Variants in MYT1L observed in about 807,000 individuals in gnomAD.
The protein encoded by MYT1L is myelin transcription factor 1 like.
Under a neutral mutation model 126.7 loss-of-function variants are expected in MYT1L, and 12 were observed. The observed-to-expected ratio is 0.09, with a 90% confidence interval of 0.06 to 0.15. MYT1L has a LOEUF of 0.15. Among genes scored for constraint, MYT1L ranks in the 10% least tolerant of loss-of-function variants. The pLI is 1.00. For missense variants in MYT1L, 979 were observed against 1,585.2 expected (o/e 0.62, Z 6.49); for synonymous variants, 541 against 604.2 (o/e 0.90, Z 1.53).
intron 18 of MYT1L, among the ~76,000 whole-genome samples, chr2:1,867,068 G>C (rs11894653): frequency 0.15 from 21,247 of 145,832 alleles, 2,310 homozygotes; most frequent in African/African-American, 0.3. Context: ...GGGGGAGAGA[G>C]GGAGGGAGGA....
intron 1 of MYT1L, among the ~76,000 whole-genome samples, chr2:2,288,108 A>T (rs1409183922): frequency 6.6e-6 from 1 of 152,206 alleles, no homozygotes; most frequent in Admixed American, 6.5e-5. Flanking sequence ...AGATATATTT[A>T]TAATGACCTA....
At chr2:1,792,254 G>C in intron 24 of MYT1L, 67 bp downstream of exon 24, 1 of 1,482,536 alleles carries the variant, frequency 6.7e-7, no homozygotes, top group East Asian at 2.5e-5. Flanking sequence ...CGATAAAAAC[G>C]GCATCTACTT....
At chr2:1,866,973 G>GGAGA (rs556864582) in intron 18 of MYT1L, among the ~76,000 whole-genome samples, 44 of 95,654 alleles carry the variant, frequency 4.6e-4, no homozygotes, top group East Asian at 2.5e-3. Context: ...GAGAGAGGGA[G>GGAGA]GAGAGAGAGA....
chr2:2,226,139 G>A (rs888199203), intron 2 of MYT1L, among the ~76,000 whole-genome samples: 1 of 152,076 alleles, frequency 6.6e-6, no homozygotes, highest in Non-Finnish European at 1.5e-5. Flanking sequence ...GAGCCAGAAA[G>A]CAAAGGCCAG....
intron 2 of MYT1L, among the ~76,000 whole-genome samples, chr2:2,213,423 G>T (rs531578870): frequency 1.3e-5 from 2 of 152,022 alleles, no homozygotes; most frequent in Non-Finnish European, 2.9e-5. Context: ...TGCACAGAGG[G>T]TCCCCCAACA....
intron 22 of MYT1L, among the ~76,000 whole-genome samples, chr2:1,803,356 G>A (rs2035180604): frequency 6.6e-6 from 1 of 152,160 alleles, no homozygotes. Flanking sequence ...ACCCTCTACA[G>A]CTGTCACAGG....
intron 4 of MYT1L, among the ~76,000 whole-genome samples, chr2:2,003,818 T>C (rs765521405): frequency 6.6e-6 from 1 of 152,236 alleles, no homozygotes; most frequent in East Asian, 1.9e-4. Context: ...CCTGTTCTCA[T>C]GGCCCCAGGC....
intron 5 of MYT1L, among the ~76,000 whole-genome samples, chr2:1,992,204 C>T (rs1250137850): frequency 6.6e-6 from 1 of 152,220 alleles, no homozygotes; most frequent in Non-Finnish European, 1.5e-5. Context: ...CTCATGACAA[C>T]CCAGCGTCGG....
chr2:1,944,043 G>GT (rs1247012470), intron 8 of MYT1L, among the ~76,000 whole-genome samples: 2 of 152,134 alleles, frequency 1.3e-5, no homozygotes, highest in African/African-American at 4.8e-5. Flanking sequence ...CCCAGGCTTG[G>GT]ATGAGACCCT....
At chr2:2,273,894 C>T (rs1199685082) in intron 2 of MYT1L, among the ~76,000 whole-genome samples, 1 of 152,116 alleles carries the variant, frequency 6.6e-6, no homozygotes, top group East Asian at 1.9e-4. Context: ...TCACATTCTT[C>T]TTGGTATTTT....
intron 3 of MYT1L, among the ~76,000 whole-genome samples, chr2:2,068,611 A>C (rs952890848): frequency 6.6e-6 from 1 of 152,174 alleles, no homozygotes; most frequent in Non-Finnish European, 1.5e-5. Context: ...ATTCACCTTA[A>C]GGAAAATATC....
chr2:1,803,515 G>A (rs142554580), intron 22 of MYT1L, among the ~76,000 whole-genome samples: 384 of 152,352 alleles, frequency 2.5e-3, no homozygotes, highest in South Asian at 4.1e-3. Flanking sequence ...GCCAGATCAG[G>A]TCAACTGTTC....
chr2:1,891,537 G>A (rs951126814), intron 15 of MYT1L, among the ~76,000 whole-genome samples: 1 of 152,214 alleles, frequency 6.6e-6, no homozygotes, highest in African/African-American at 2.4e-5. Context: ...ACTGACGAGT[G>A]CTGGCTGTAA....
chr2:1,839,452 G>T, intron 20 of MYT1L, 82 bp from the exon 21 acceptor site: 2 of 1,270,538 alleles, frequency 1.6e-6, no homozygotes, highest in South Asian at 1.4e-5. Flanking sequence ...GAATAACCCG[G>T]CATGAAGAAG....
intron 2 of MYT1L, among the ~76,000 whole-genome samples, chr2:2,176,067 A>G (rs905474077): frequency 6.6e-6 from 1 of 152,224 alleles, no homozygotes; most frequent in Non-Finnish European, 1.5e-5. Flanking sequence ...CAGCCTTTGC[A>G]TTAGGCTGTG....
At chr2:2,162,997 G>A (rs780364940) in intron 3 of MYT1L, among the ~76,000 whole-genome samples, 71 of 152,280 alleles carry the variant, frequency 4.7e-4, no homozygotes, top group Admixed American at 1.0e-3. Flanking sequence ...TAGAAGTGGA[G>A]GCCTTCATTA....
At chr2:2,039,375 C>T (rs1341179946) in intron 4 of MYT1L, among the ~76,000 whole-genome samples, 1 of 151,648 alleles carries the variant, frequency 6.6e-6, no homozygotes. Flanking sequence ...TGCACTCCAG[C>T]CAGGGCAACA....
At chr2:1,989,203 C>A (rs557360831) in intron 5 of MYT1L, among the ~76,000 whole-genome samples, 1 of 152,314 alleles carries the variant, frequency 6.6e-6, no homozygotes, top group East Asian at 1.9e-4. Context: ...TTTTCTTGGA[C>A]TCTTCACAGT....
At chr2:2,222,249 C>A (rs1337553713) in intron 2 of MYT1L, among the ~76,000 whole-genome samples, 1 of 152,084 alleles carries the variant, frequency 6.6e-6, no homozygotes, top group East Asian at 1.9e-4. Flanking sequence ...TAATCCCACA[C>A]TCTGGAAGGC....
Sources: gnomAD v4.1 joint callset for allele counts (sites outside exome capture counted in the v4.1 genomes callset) on GRCh38, gnomAD v4.1.1 for gene constraint, MANE v1.5 for transcripts, NCBI Gene and HGNC (gene_info 2026-07-23, HGNC 2026-07-21) for gene names.